The following ADCY9 variants were observed in gnomAD, a reference collection of about 807,000 sequenced individuals.
The protein encoded by ADCY9 is adenylate cyclase type 9.
ADCY9 carries 50 observed loss-of-function variants against 101.5 expected under a neutral mutation model. The observed-to-expected ratio is 0.49, with a 90% CI of 0.39 to 0.62. ADCY9 has a LOEUF of 0.62. Ranked by LOEUF, ADCY9 falls within the 20% of genes least tolerant of loss-of-function variation. The pLI, the probability that ADCY9 is intolerant of heterozygous loss-of-function variation, is 0.00. For synonymous variants in ADCY9, 905 were observed against 769.3 expected, an observed-to-expected ratio of 1.18 and a Z score of -2.92; for missense variants, 1,662 against 1,800.4, an observed-to-expected ratio of 0.92 and a Z score of 1.39.
downstream of ADCY9, chr16:3,962,647 CAT>C (rs2055947185): frequency 2.0e-5 from 3 of 152,176 alleles, no homozygotes; most frequent in Admixed American, 1.3e-4. Flanking sequence ...CACCAGGCAT[CAT>C]ATATTTAAAT....
chr16:4,002,702 G>A (rs898417452), intron 3 of ADCY9, among the ~76,000 whole-genome samples: 1 of 152,172 alleles, frequency 6.6e-6, no homozygotes, highest in Admixed American at 6.5e-5. Flanking sequence ...TGTGATACAA[G>A]TAATTCAATT....
At chr16:3,990,180 C>T (rs533964646) in intron 5 of ADCY9, among the ~76,000 whole-genome samples, 1 of 152,144 alleles carries the variant, frequency 6.6e-6, no homozygotes, top group African/African-American at 2.4e-5. Flanking sequence ...GTAAATTAGA[C>T]GAGGCTGGGC....
At chr16:4,029,868 C>G (rs2056543094) in intron 2 of ADCY9, among the ~76,000 whole-genome samples, 1 of 152,124 alleles carries the variant, frequency 6.6e-6, no homozygotes, top group Admixed American at 6.5e-5. Context: ...AGGTGGCCAG[C>G]AGACATATGA....
chr16:4,025,645 G>A (rs938553689), intron 2 of ADCY9, among the ~76,000 whole-genome samples: 4 of 152,202 alleles, frequency 2.6e-5, no homozygotes, highest in Non-Finnish European at 5.9e-5. Flanking sequence ...GTGGCAGGGC[G>A]GAGGTCCTGT....
At chr16:4,019,376 A>T (rs2056459873) in intron 2 of ADCY9, among the ~76,000 whole-genome samples, 1 of 152,170 alleles carries the variant, frequency 6.6e-6, no homozygotes, top group African/African-American at 2.4e-5. Flanking sequence ...AGGCTGGGCG[A>T]TTTGTTCTCC....
At chr16:4,034,404 A>G (rs1384518814) in intron 2 of ADCY9, among the ~76,000 whole-genome samples, 1 of 152,128 alleles carries the variant, frequency 6.6e-6, no homozygotes, top group Non-Finnish European at 1.5e-5. Flanking sequence ...AAGAGGAGCC[A>G]AAGTCCTTTT....
intron 10 of ADCY9, among the ~76,000 whole-genome samples, chr16:3,968,316 G>C (rs1470641276): frequency 6.6e-6 from 1 of 151,878 alleles, no homozygotes; most frequent in Non-Finnish European, 1.5e-5. Flanking sequence ...ATTTTTAGTA[G>C]AGACGGGGTT....
intron 2 of ADCY9, among the ~76,000 whole-genome samples, chr16:4,109,315 G>A (rs2057099071): frequency 6.6e-6 from 1 of 152,074 alleles, no homozygotes; most frequent in South Asian, 2.1e-4. Context: ...CTGCAACCTC[G>A]ACCTCGTGGG....
Position 4,115,677 on chromosome 16 carries a change from G to A in ADCY9, c.-44+13C>T, listed in dbSNP as rs931355834. ...CCCACCTTCGAGGCGCACGAGAACC[G>A]CTCGGGACGGACCTAGAACGCCCGG... On this transcript the variant is annotated intron_variant, in intron 1 of 10. Transcript: ENST00000294016. The surrounding 1 kb of genome is among the most constrained non-coding windows in gnomAD (Gnocchi z 6.2). 1.9e-6 allele frequency: 1 copy of A among 526,612 alleles called. No individual in the cohort carries two copies. Among genetic ancestry groups the A allele is most frequent in the Non-Finnish European group, 3.3e-6 (1 of 305,322 alleles). The allele number at this position is 526,612 out of a possible 1,614,324, so 32.6% of individuals were successfully genotyped here. A position where few individuals can be genotyped will look rare whatever the true frequency, so the allele number is the denominator to read the frequency against.
chr16:4,037,330 TA>T (rs2056596721), intron 2 of ADCY9, among the ~76,000 whole-genome samples: 1 of 151,926 alleles, frequency 6.6e-6, no homozygotes, highest in African/African-American at 2.4e-5. Context: ...AAAATAAAAA[TA>T]AAAAATAATC....
At chr16:3,997,374 G>C (rs183801019) in intron 3 of ADCY9, among the ~76,000 whole-genome samples, 1 of 152,246 alleles carries the variant, frequency 6.6e-6, no homozygotes, top group Non-Finnish European at 1.5e-5. Context: ...GGTGCAGCCC[G>C]GGCATGCCCA....
intron 2 of ADCY9, among the ~76,000 whole-genome samples, chr16:4,037,868 T>C (rs749800201): frequency 1.3e-5 from 2 of 152,226 alleles, no homozygotes. Flanking sequence ...CAGCTGGTAC[T>C]AGAAAAGAGA....
chr16:4,083,143 A>AC (rs1430469521), intron 2 of ADCY9, among the ~76,000 whole-genome samples: 3 of 152,236 alleles, frequency 2.0e-5, no homozygotes, highest in Admixed American at 2.0e-4. Flanking sequence ...TACATGAGAT[A>AC]GTAAATGCGT....
intron 2 of ADCY9, among the ~76,000 whole-genome samples, chr16:4,011,498 A>C (rs1196422819): frequency 6.6e-6 from 1 of 152,196 alleles, no homozygotes; most frequent in Non-Finnish European, 1.5e-5. Context: ...GTCAGGAAAT[A>C]ACAGTGGAAA....
At chr16:4,099,638 C>A (rs2141198229) in intron 2 of ADCY9, among the ~76,000 whole-genome samples, 1 of 152,232 alleles carries the variant, frequency 6.6e-6, no homozygotes, top group South Asian at 2.1e-4. Flanking sequence ...CCATGGGCCC[C>A]AAATGGGACA....
At chr16:3,961,242 G>A (rs929189945), downstream of ADCY9, among the ~76,000 whole-genome samples, 11 of 152,072 alleles carry the variant, frequency 7.2e-5, no homozygotes. Flanking sequence ...GAACCCAGGA[G>A]TTCGAGAACA....
intron 2 of ADCY9, among the ~76,000 whole-genome samples, chr16:4,098,050 G>A (rs1207656323): frequency 6.6e-6 from 1 of 152,018 alleles, no homozygotes; most frequent in Non-Finnish European, 1.5e-5. Flanking sequence ...AAAGAGAGTG[G>A]CTGGCCCATA....
Position 4,066,195 on chromosome 16 carries a change from C to T in ADCY9, c.1693+47555G>A, listed in dbSNP as rs1038229569. Among the ~76,000 whole-genome samples the T allele has an allele frequency of 2.6e-5, 4 of 152,180 alleles. No individual in the cohort carries two copies. In the East Asian group the frequency reaches 5.8e-4, roughly 22 times the overall value. On this transcript the variant is annotated intron_variant, in intron 2 of 10. Coordinates refer to ENST00000294016, the MANE Select transcript of ADCY9 (RefSeq NM_001116.4). ...ATCTCATTATGAAAATCCCCAAAAA[C>T]CTTACAAAACCATATAATCGTGAAG...
rs2057152418 is a variant in ADCY9, at chr16:4,116,340, C to T, written c.-694G>A. On this transcript the variant is annotated 5_prime_UTR_variant, in exon 1 of 11. Transcript: ENST00000294016. ...GGGCCGCCTCCCCGAGCTAGAGATG[C>T]GGCCGCCGCCGCGCCCGCCGCCGTG... is the stretch of plus-strand genomic sequence containing the variant. 6.9e-6 allele frequency among the ~76,000 whole-genome samples: 1 copy of T among 144,778 alleles called. No individual in the cohort carries two copies. The allele number at this position is 144,778 out of a possible 152,430, so 95.0% of individuals were successfully genotyped here.
Sources: allele counts gnomAD v4.1 joint callset (sites outside exome capture counted in the v4.1 genomes callset), GRCh38; gene constraint gnomAD v4.1.1; non-coding constraint Gnocchi (gnomAD v3.1); transcripts MANE v1.5; gene names NCBI Gene and HGNC (gene_info 2026-07-23, HGNC 2026-07-21).